DGKQ: variants seen among roughly 807,000 people sequenced by gnomAD.
DGKQ encodes diacylglycerol kinase theta.
DGKQ carries 97 observed loss-of-function variants against 104.2 expected under a neutral mutation model. That is an observed-to-expected ratio of 0.93 (90% confidence interval 0.79 to 1.10). The LOEUF is 1.10. Among genes scored for constraint, DGKQ ranks in the 50% least tolerant of loss-of-function variants. The pLI is 0.00. For synonymous variants in DGKQ, 736 were observed against 595.2 expected, an observed-to-expected ratio of 1.24 and a Z score of -3.44; for missense variants, 1,465 against 1,352.1, an observed-to-expected ratio of 1.08 and a Z score of -1.31.
Position 960,541 on chromosome 4 carries a change from G to A in DGKQ, c.*79C>T. On this transcript the variant is annotated 3_prime_UTR_variant, in exon 23 of 23. Transcript: ENST00000273814. ...ACAGGGCCGGCCACTGTGTGGACGT[G>A]GAGCTGCCTCCAGACCACCTGAAAA... 4 of 1,342,412 alleles carry A rather than the reference G, an allele frequency of 3.0e-6. No homozygotes were observed. The highest frequency in any genetic ancestry group is 4.2e-6 in the Non-Finnish European group (4 of 949,054). The allele number at this position is 1,342,412 out of a possible 1,614,324, so 83.2% of individuals were successfully genotyped here.
In DGKQ at chr4:961,462, C is replaced by T. The variant is rs780306306; in HGVS notation, c.2574+5G>A. 2.6e-5 allele frequency: 41 copies of T among 1,589,372 alleles called. No homozygotes were observed. Among genetic ancestry groups the T allele is most frequent in the African/African-American group, 4.0e-5 (3 of 74,136 alleles). Reference sequence around the variant, plus strand: ...GCTCGCCCGCCCACTCGGCCGGCGGCTCACCATGTGCACGACGCCCGTCAC... The same window carrying T: ...GCTCGCCCGCCCACTCGGCCGGCGGTTCACCATGTGCACGACGCCCGTCAC... On this transcript the variant is annotated splice_donor_5th_base_variant and intron_variant, in intron 21 of 22. Coordinates refer to ENST00000273814, the MANE Select transcript of DGKQ (RefSeq NM_001347.4).
rs115438176 is a variant in DGKQ, at chr4:961,971, G to C, written c.2315+11C>G. 3.7e-6 allele frequency: 6 copies of C among 1,612,688 alleles called. No individual in the cohort carries two copies. Among genetic ancestry groups the C allele is most frequent in the South Asian group, 3.3e-5 (3 of 91,084 alleles). On this transcript the variant is annotated intron_variant, in intron 19 of 22. Transcript: ENST00000273814. Reference sequence around the variant, plus strand: ...GCCGTTGACAGGTGGTAGCCCCTGCGGCTCCGGTACCTGCTTGTGAACTTG... The same window carrying C: ...GCCGTTGACAGGTGGTAGCCCCTGCCGCTCCGGTACCTGCTTGTGAACTTG...
At chr4:965,891 C>A (rs756803683) in intron 13 of DGKQ, 37 bp downstream of exon 13, 2 of 1,554,952 alleles carry the variant, frequency 1.3e-6, no homozygotes, top group East Asian at 2.3e-5. Flanking sequence ...GACCCTGCCC[C>A]GTGCCAGCAG....
Position 960,642 on chromosome 4 carries a change from G to A in DGKQ, c.2807C>T (p.Ala936Val). 2.5e-6 allele frequency: 4 copies of A among 1,611,938 alleles called. No individual in the cohort carries two copies. The highest frequency in any genetic ancestry group is 2.2e-5 in the East Asian group (1 of 44,874). ...CCCCTACCTAGGATCGCTCTCAGGG[G>A]CAGGCGCAGCATCCGCCCGGGCATC... ...TRDARADAAP[A>V]PESDPR The change falls in exon 23 of 23, where the codon GCC becomes GTC. Residue 936 changes from alanine to valine, a missense_variant. Transcript: ENST00000273814.
Position 962,847 on chromosome 4 carries a change from G to A in DGKQ, c.1960C>T (p.Leu654Phe). The change falls in exon 17 of 23, where the codon CTT becomes TTT. Residue 654 changes from leucine to phenylalanine, a missense_variant. Physicochemically the swap from Leu to Phe is conservative, Grantham distance 22 (BLOSUM62 0). Coordinates refer to ENST00000273814, the MANE Select transcript of DGKQ (RefSeq NM_001347.4). ...CGGDGTVGWV[L>F]GALEETRYRL... is the part of the protein sequence containing the mutation. ...TACCGTGTCTCCTCCAGGGCGCCAA[G>A]CACCCAGCCCACAGTGCCATCGCCA... is the stretch of plus-strand genomic sequence containing the variant. 1.2e-6 allele frequency: 2 copies of A among 1,607,464 alleles called. No homozygotes were observed. The highest frequency in any genetic ancestry group is 1.7e-6 in the Non-Finnish European group (2 of 1,177,796).
chr4:967,653 G>C lies in DGKQ; in HGVS notation c.887-4C>G, dbSNP rs769901045. The C allele has an allele frequency of 6.2e-7, 1 of 1,612,644 alleles. No homozygotes were observed. Among genetic ancestry groups the C allele is most frequent in the Non-Finnish European group, 8.5e-7 (1 of 1,179,830 alleles). ...AAGATCTTCAGCGTTTGCTTCCCTGGGCCGGGTAAGCTCCGTGAGTCCCGG... is the reference window on the plus strand; with the variant it reads ...AAGATCTTCAGCGTTTGCTTCCCTGCGCCGGGTAAGCTCCGTGAGTCCCGG... On this transcript the variant is annotated splice_polypyrimidine_tract_variant and splice_region_variant and intron_variant, in intron 7 of 22. Coordinates refer to ENST00000273814, the MANE Select transcript of DGKQ (RefSeq NM_001347.4).
At position 968,533 on chromosome 4, in the gene DGKQ, C is replaced by G; in HGVS notation, c.483G>C (p.Val161=). 6.2e-7 allele frequency: 1 copy of G among 1,609,762 alleles called. No individual in the cohort carries two copies. The highest frequency in any genetic ancestry group is 8.5e-7 in the Non-Finnish European group (1 of 1,178,696). ...GGCGGCAGTCACTGCAGGCGAAGGG[C>G]ACACAGTCTGGGTGGAGGTGCAGCT... ...VCELHLHPDC[V]PFACSDCRQC... is the part of the protein sequence containing the mutation. Residue 161 remains valine, a synonymous_variant, in exon 4 of 23, where the codon GTG becomes GTC. Transcript: ENST00000273814.
At chr4:968,683 G>T in intron 3 of DGKQ, 119 bp from the exon 4 acceptor site, 2 of 1,351,026 alleles carry the variant, frequency 1.5e-6, no homozygotes, top group Non-Finnish European at 2.0e-6. Context: ...GTGTCCTGTG[G>T]CCTGCCAGGC....
chr4:962,437 T>TG lies in DGKQ; in HGVS notation c.2211dup (p.Lys738GlnfsTer7). ...CCCCACGCCGGGCTGCCCTGTACCT[T>TG]GGGGGGCTCTGCGTCTGCCGTGTCG... On this transcript the variant is annotated frameshift_variant, in exon 18 of 23. Coordinates refer to ENST00000273814, the MANE Select transcript of DGKQ (RefSeq NM_001347.4). LOFTEE classifies it high-confidence loss of function. The TG allele has an allele frequency of 1.3e-6, 2 of 1,572,282 alleles. No homozygotes were observed. Among genetic ancestry groups the TG allele is most frequent in the South Asian group, 1.1e-5 (1 of 87,180 alleles).
chr4:973,143 C>T (rs1713068552), intron 1 of DGKQ, 69 bp downstream of exon 1: 1 of 1,393,556 alleles, frequency 7.2e-7, no homozygotes, highest in Non-Finnish European at 9.3e-7. Context: ...GTGCCACCTC[C>T]GCTCAGGCTC....
chr4:966,601 A>AG, intron 11 of DGKQ, 74 bp from the exon 12 acceptor site: 1 of 1,539,170 alleles, frequency 6.5e-7, no homozygotes, highest in Non-Finnish European at 8.8e-7. Context: ...CGGAGCCCCC[A>AG]GGGCCCGTGG....
chr4:968,646 C>T (rs1577486205), intron 3 of DGKQ, 82 bp from the exon 4 acceptor site: 2 of 1,405,734 alleles, frequency 1.4e-6, no homozygotes, highest in Non-Finnish European at 9.6e-7. Flanking sequence ...GCCCCATCCC[C>T]ACCACCTAGC....
At chr4:970,406 C>A (rs1712836159) in intron 2 of DGKQ, among the ~76,000 whole-genome samples, 3 of 152,228 alleles carry the variant, frequency 2.0e-5, no homozygotes, top group Admixed American at 2.0e-4. Flanking sequence ...AAGGGAAGTC[C>A]CCTGTGCCCT....
At chr4:960,781 G>T in intron 22 of DGKQ, 60 bp from the exon 23 acceptor site, 1 of 1,584,682 alleles carries the variant, frequency 6.3e-7, no homozygotes, top group Non-Finnish European at 8.6e-7. Flanking sequence ...AACGGTACAC[G>T]GGCAGCCCCC....
chr4:968,254 C>A, intron 5 of DGKQ, 28 bp downstream of exon 5: 1 of 1,244,794 alleles, frequency 8.0e-7, no homozygotes, highest in South Asian at 1.4e-5. Context: ...CTGCCCCACC[C>A]CCACCCCCTC....
intron 1 of DGKQ, among the ~76,000 whole-genome samples, chr4:972,820 C>T (rs111925071): frequency 6.6e-6 from 1 of 152,144 alleles, no homozygotes; most frequent in Non-Finnish European, 1.5e-5. Flanking sequence ...CTCCAGGAGG[C>T]TGGGACTCTG....
chr4:968,694 G>T, intron 3 of DGKQ, 117 bp downstream of exon 3: 1 of 1,352,356 alleles, frequency 7.4e-7, no homozygotes, highest in Non-Finnish European at 1.0e-6. Flanking sequence ...CCTGCCAGGC[G>T]GCCAGCCCTT....
chr4:962,063 T>C lies in DGKQ; in HGVS notation c.2234A>G (p.Tyr745Cys), dbSNP rs770122049. 9 of 1,612,290 alleles carry C rather than the reference T, an allele frequency of 5.6e-6. No individual in the cohort carries two copies. Among genetic ancestry groups the C allele is most frequent in the Non-Finnish European group, 6.8e-6 (8 of 1,179,896 alleles). The change falls in exon 19 of 23, where the codon TAC (tyrosine) becomes TGC (cysteine). Residue 745 changes from tyrosine to cysteine, a missense_variant. Tyr to Cys is a radical substitution (Grantham distance 194). Transcript: ENST00000273814. Reference sequence around the variant, plus strand: ...CTCCGCGTCGATGCCAATGCCACAGTAGTTACTCATCTGCACGATCTGGGG... The same window carrying C: ...CTCCGCGTCGATGCCAATGCCACAGCAGTTACTCATCTGCACGATCTGGGG... ...EPPKIVQMSN[Y>C]CGIGIDAELS...
At chr4:964,733 G>A (rs1712164684) in intron 15 of DGKQ, among the ~76,000 whole-genome samples, 1 of 152,216 alleles carries the variant, frequency 6.6e-6, no homozygotes, top group Non-Finnish European at 1.5e-5. Context: ...GTGAGGCTGA[G>A]GCTGTACCGG....
Sources: gnomAD v4.1 joint callset for allele counts (sites outside exome capture counted in the v4.1 genomes callset) on GRCh38, gnomAD v4.1.1 for gene constraint, MANE v1.5 for transcripts, NCBI Gene and HGNC (gene_info 2026-07-23, HGNC 2026-07-21) for gene names.